The following CENPE variants were observed in gnomAD, a reference collection of about 807,000 sequenced individuals.
CENPE encodes centromere-associated protein E.
A neutral mutation model predicts 336.1 loss-of-function variants in CENPE; 145 were observed. The observed-to-expected ratio is 0.43, with a 90% confidence interval of 0.38 to 0.50. The LOEUF is 0.50. CENPE is among the 20% of genes least tolerant of loss of function. The pLI is 0.00. For missense variants in CENPE, 2,719 were observed against 3,023.3 expected (o/e 0.90, Z 2.36); for synonymous variants, 1,013 against 984.8 (o/e 1.03, Z -0.54).
chr4:103,164,730 A>C (rs2125984556), intron 16 of CENPE, among the ~76,000 whole-genome samples: 1 of 152,234 alleles, frequency 6.6e-6, no homozygotes, highest in African/African-American at 2.4e-5. Context: ...ATACTATGTC[A>C]ATTCAGTCTG....
chr4:103,161,167 C>T lies in CENPE; in HGVS notation c.2050G>A (p.Val684Ile), dbSNP rs201128037. 490 of 1,612,266 alleles carry T rather than the reference C, an allele frequency of 3.0e-4. No homozygotes were observed. Among genetic ancestry groups the T allele is most frequent in the Non-Finnish European group, 3.8e-4 (448 of 1,179,200 alleles). Residue 684 changes from valine (V) to isoleucine (I), a missense_variant, in exon 20 of 49, where the codon GTT becomes ATT. Transcript: ENST00000265148. ...SQLEAKKKMQ[V>I]DLEKELQSAF... ...GATTGTAATTCTTTCTCCAGATCAA[C>T]TTGCATTTTCTTTTTTGCCTCCAAC...
In CENPE at chr4:103,145,855, C is replaced by G; in HGVS notation, c.4387G>C (p.Glu1463Gln). The G allele has an allele frequency of 6.2e-7, 1 of 1,604,836 alleles. No homozygotes were observed. The highest frequency in any genetic ancestry group is 8.5e-7 in the Non-Finnish European group (1 of 1,177,534). Reference sequence around the variant, plus strand: ...TTAGCTACAATTTCTTTTATGTTTTCTTTGAGCTGGTCACTTTCAGATTGA... The same window carrying G: ...TTAGCTACAATTTCTTTTATGTTTTGTTTGAGCTGGTCACTTTCAGATTGA... ...VLQSESDQLK[E>Q]NIKEIVAKHL... The change falls in exon 30 of 49, where the codon GAA (glutamate) becomes CAA (glutamine). Residue 1463 changes from glutamate to glutamine, a missense_variant. Around this residue, in one of 5 missense-constraint regions of CENPE, gnomAD observed 2,437 missense variants for 2,513.3 expected, o/e 0.97. Coordinates refer to ENST00000265148, the MANE Select transcript of CENPE (RefSeq NM_001813.3).
At chr4:103,179,122 G>A (rs894051028) in intron 13 of CENPE, among the ~76,000 whole-genome samples, 3 of 151,998 alleles carry the variant, frequency 2.0e-5, no homozygotes, top group Non-Finnish European at 2.9e-5. Context: ...AAGTCATTCC[G>A]GACACCTCCT....
intron 9 of CENPE, 119 bp downstream of exon 9, chr4:103,185,687 GATTC>G (rs1222041852): frequency 3.8e-6 from 2 of 525,480 alleles, no homozygotes; most frequent in Non-Finnish European, 6.7e-6. Context: ...CACAATTAAT[GATTC>G]ATTATTATTA....
Position 103,105,980 on chromosome 4 carries a change from A to G in CENPE, c.*242T>C, listed in dbSNP as rs1578518661. The G allele has an allele frequency of 3.3e-6, 1 of 300,562 alleles. No individual in the cohort carries two copies. The allele number at this position is 300,562 out of a possible 1,614,324, so 18.6% of individuals were successfully genotyped here. On this transcript the variant is annotated 3_prime_UTR_variant, in exon 49 of 49. Transcript: ENST00000265148. ...ACTTTATTCTTTACAAAATATACAA[A>G]TAAATAAAACAATTCAACTTTTAAA...
chr4:103,151,050 T>C (rs1194371751), intron 26 of CENPE, among the ~76,000 whole-genome samples, 169 bp downstream of exon 26: 1 of 152,198 alleles, frequency 6.6e-6, no homozygotes, highest in Non-Finnish European at 1.5e-5. Flanking sequence ...TCATAAGGTA[T>C]GTTAGTTTAG....
intron 45 of CENPE, among the ~76,000 whole-genome samples, chr4:103,115,885 C>G (rs1201228833): frequency 1.3e-5 from 2 of 152,016 alleles, no homozygotes; most frequent in African/African-American, 4.8e-5. Context: ...CGCCTGCCAC[C>G]ATGCCGGCTA....
chr4:103,159,392 A>AAAAGC (rs1754240478), intron 21 of CENPE, 68 bp from the exon 22 acceptor site: 1 of 951,744 alleles, frequency 1.1e-6, no homozygotes, highest in East Asian at 3.0e-5. Flanking sequence ...TTTTAGGAAA[A>AAAAGC]AAAGCTTTCT....
intron 8 of CENPE, among the ~76,000 whole-genome samples, chr4:103,193,085 C>T (rs1402042172): frequency 1.3e-5 from 2 of 151,798 alleles, no homozygotes; most frequent in African/African-American, 4.8e-5. Context: ...GACTTCTTTC[C>T]AAGAAGATTC....
chr4:103,146,593 G>A (rs1361026300), intron 29 of CENPE, among the ~76,000 whole-genome samples: 1 of 152,130 alleles, frequency 6.6e-6, no homozygotes, highest in Non-Finnish European at 1.5e-5. Context: ...CATGAGCTGC[G>A]GAAGAGAGTT....
intron 43 of CENPE, among the ~76,000 whole-genome samples, chr4:103,121,713 T>A (rs1750638107): frequency 6.6e-6 from 1 of 151,842 alleles, no homozygotes; most frequent in South Asian, 2.1e-4. Flanking sequence ...TGCACCTGGA[T>A]AATATATTAA....
chr4:103,112,054 A>G (rs1749487088), intron 46 of CENPE, among the ~76,000 whole-genome samples: 1 of 151,702 alleles, frequency 6.6e-6, no homozygotes, highest in Non-Finnish European at 1.5e-5. Flanking sequence ...ATGAGCTCTA[A>G]AAATTACTTT....
chr4:103,194,733 T>C (rs1757613266), intron 5 of CENPE, 49 bp from the exon 6 acceptor site: 3 of 1,464,344 alleles, frequency 2.0e-6, no homozygotes, highest in Admixed American at 4.3e-5. Flanking sequence ...AAGTCACAAG[T>C]TTGCTTTTCA....
intron 33 of CENPE, among the ~76,000 whole-genome samples, 178 bp downstream of exon 33, chr4:103,144,153 G>T (rs1752805155): frequency 6.6e-6 from 1 of 152,146 alleles, no homozygotes; most frequent in African/African-American, 2.4e-5. Flanking sequence ...AGCCAGGATG[G>T]TCTTGATCTC....
intron 41 of CENPE, among the ~76,000 whole-genome samples, chr4:103,133,107 A>G (rs550214327): frequency 1.1e-4 from 16 of 151,978 alleles, no homozygotes; most frequent in African/African-American, 3.9e-4. Context: ...AGTTATTTGC[A>G]TAATATAATT....
intron 8 of CENPE, among the ~76,000 whole-genome samples, chr4:103,189,181 G>C (rs1457779825): frequency 6.6e-6 from 1 of 152,172 alleles, no homozygotes; most frequent in Non-Finnish European, 1.5e-5. Flanking sequence ...CCCAGGACCA[G>C]ATGGATTCAC....
In CENPE at chr4:103,159,061, G is replaced by C; in HGVS notation, c.2550C>G (p.Leu850=). ...NERMNQEIVN[L]SKEAQKFDSS... is the part of the protein sequence containing the mutation. ...AATCAAATTTTTGGGCTTCTTTAGA[G>C]AGATTAACTATTTCCTGATTCATTC... is the stretch of plus-strand genomic sequence containing the variant. Residue 850 remains leucine, a synonymous_variant, in exon 22 of 49, where the codon CTC becomes CTG. Coordinates refer to ENST00000265148, the MANE Select transcript of CENPE (RefSeq NM_001813.3). 1 of 1,552,236 alleles carries C rather than the reference G, an allele frequency of 6.4e-7. No individual in the cohort carries two copies. Among genetic ancestry groups the C allele is most frequent in the Non-Finnish European group, 8.6e-7 (1 of 1,156,754 alleles).
intron 11 of CENPE, 77 bp downstream of exon 11, chr4:103,182,685 C>A: frequency 8.1e-7 from 1 of 1,234,818 alleles, no homozygotes; most frequent in South Asian, 1.9e-5. Context: ...AAAAACTATG[C>A]TTAATTTTAG....
At chr4:103,129,864 G>A (rs1307392060) in intron 42 of CENPE, among the ~76,000 whole-genome samples, 1 of 152,174 alleles carries the variant, frequency 6.6e-6, no homozygotes, top group African/African-American at 2.4e-5. Context: ...GGTATGCAAG[G>A]CTGGTTTAAC....
Sources: allele counts gnomAD v4.1 joint callset (sites outside exome capture counted in the v4.1 genomes callset), GRCh38; gene constraint gnomAD v4.1.1; regional missense constraint gnomAD v4.1.1; transcripts MANE v1.5; gene names NCBI Gene and HGNC (gene_info 2026-07-23, HGNC 2026-07-21).